NRXN3: variants seen among roughly 807,000 people sequenced by gnomAD.
NRXN3 encodes neurexin III.
A neutral mutation model predicts 137.6 loss-of-function variants in NRXN3; 32 were observed. The ratio of observed to expected loss-of-function variants is 0.23; its 90% confidence interval spans 0.18 to 0.31. The LOEUF is 0.31. Ranked by LOEUF, NRXN3 falls within the 10% of genes least tolerant of loss-of-function variation. NRXN3 has a pLI of 1.00. For synonymous variants in NRXN3, 798 were observed against 784.5 expected (o/e 1.02, Z -0.29); for missense variants, 1,574 against 2,062.5 (o/e 0.76, Z 4.59).
chr14:78,329,899 A>G (rs2080576785), intron 4 of NRXN3, among the ~76,000 whole-genome samples: 1 of 152,192 alleles, frequency 6.6e-6, no homozygotes, highest in African/African-American at 2.4e-5. Context: ...GAGGCTTCAC[A>G]AGAAGGAACA....
chr14:78,714,852 C>T lies in NRXN3; in HGVS notation c.1757C>T (p.Pro586Leu), dbSNP rs772683936. The change falls in exon 8 of 21, where the codon CCG (proline) becomes CTG (leucine). Residue 586 changes from proline to leucine, a missense_variant. Coordinates refer to ENST00000335750, the MANE Select transcript of NRXN3 (RefSeq NM_001330195.2). ...GGAGACATGTACCTGGGAGGGCTGC[C>T]GGAGAACCGTGCTGGCCTTATTCTC... ...LEGDMYLGGL[P>L]ENRAGLILPT... 2.8e-5 allele frequency: 45 copies of T among 1,614,032 alleles called. No individual in the cohort carries two copies. The highest frequency in any genetic ancestry group is 1.2e-4 in the South Asian group (11 of 91,080).
chr14:78,577,250 T>C (rs1484204019), intron 4 of NRXN3, among the ~76,000 whole-genome samples: 1 of 152,206 alleles, frequency 6.6e-6, no homozygotes, highest in Non-Finnish European at 1.5e-5. Context: ...CCAGCAGTAA[T>C]GTAATTGTTG....
At chr14:78,658,403 T>C (rs1476308967) in intron 6 of NRXN3, among the ~76,000 whole-genome samples, 2 of 152,190 alleles carry the variant, frequency 1.3e-5, no homozygotes, top group African/African-American at 4.8e-5. Flanking sequence ...AGGTGTTTTA[T>C]AAAATACAAA....
intron 7 of NRXN3, among the ~76,000 whole-genome samples, chr14:78,713,179 T>G (rs921474616): frequency 9.9e-5 from 15 of 152,226 alleles, no homozygotes; most frequent in Middle Eastern, 3.2e-3. Context: ...GAATCCCTGC[T>G]CTCAAGGTCC....
intron 15 of NRXN3, among the ~76,000 whole-genome samples, chr14:79,085,948 C>A (rs1379582991): frequency 6.6e-6 from 1 of 152,056 alleles, no homozygotes; most frequent in Non-Finnish European, 1.5e-5. Context: ...TTGAGATCAG[C>A]AAAAAAGTTC....
At chr14:78,658,697 T>C (rs940231728) in intron 6 of NRXN3, among the ~76,000 whole-genome samples, 12 of 152,206 alleles carry the variant, frequency 7.9e-5, no homozygotes, top group Admixed American at 7.2e-4. Context: ...AGAGACCTTC[T>C]TGTAAATGTA....
chr14:79,437,897 G>A (rs982201975), intron 15 of NRXN3, among the ~76,000 whole-genome samples: 1 of 152,138 alleles, frequency 6.6e-6, no homozygotes, highest in Non-Finnish European at 1.5e-5. Context: ...TTCTAAATAA[G>A]TTCCTTTAGA....
intron 15 of NRXN3, among the ~76,000 whole-genome samples, chr14:79,043,396 T>C (rs1402495920): frequency 6.6e-6 from 1 of 152,166 alleles, no homozygotes; most frequent in Admixed American, 6.5e-5. Context: ...CGGATCAGGA[T>C]CCAAGATTTT....
chr14:79,208,559 A>G (rs2067142558), intron 15 of NRXN3, among the ~76,000 whole-genome samples: 1 of 152,172 alleles, frequency 6.6e-6, no homozygotes, highest in African/African-American at 2.4e-5. Context: ...TTTATTTTCT[A>G]TGACTAAGTA....
chr14:79,102,907 A>C (rs2051618358), intron 15 of NRXN3, among the ~76,000 whole-genome samples: 2 of 152,160 alleles, frequency 1.3e-5, no homozygotes, highest in South Asian at 2.1e-4. Flanking sequence ...AATTGTGAAA[A>C]ATTTGTGAGT....
intron 15 of NRXN3, among the ~76,000 whole-genome samples, chr14:79,338,196 GGTGTGT>G (rs796540610): frequency 7.1e-6 from 1 of 141,060 alleles, no homozygotes; most frequent in African/African-American, 2.8e-5. Context: ...AGGCAGCCGG[GGTGTGT>G]GTGTGTGTGT....
At chr14:79,059,246 T>C (rs1485692473) in intron 15 of NRXN3, among the ~76,000 whole-genome samples, 2 of 117,894 alleles carry the variant, frequency 1.7e-5, no homozygotes, top group Non-Finnish European at 3.4e-5. Context: ...CTTCAGGCCC[T>C]ATTCTTTTTT....
intron 7 of NRXN3, among the ~76,000 whole-genome samples, chr14:78,713,297 C>G (rs2098417903): frequency 6.6e-6 from 1 of 152,156 alleles, no homozygotes; most frequent in African/African-American, 2.4e-5. Flanking sequence ...CTGCTCACCC[C>G]CTCTTGCCTT....
At chr14:78,211,946 C>G (rs117925341) in intron 1 of NRXN3, among the ~76,000 whole-genome samples, 1,642 of 152,300 alleles carry the variant, frequency 0.011, 11 homozygotes, top group Non-Finnish European at 0.017. Flanking sequence ...AAGGCTGACT[C>G]TGGGATCATA....
intron 10 of NRXN3, among the ~76,000 whole-genome samples, chr14:78,892,402 T>C (rs2099161598): frequency 6.6e-6 from 1 of 151,926 alleles, no homozygotes; most frequent in South Asian, 2.1e-4. Context: ...AGTTGGCAGA[T>C]AGGCTGCCCA....
chr14:79,763,379 TGTG>T (rs1450393922), intron 19 of NRXN3, among the ~76,000 whole-genome samples: 13 of 69,186 alleles, frequency 1.9e-4, no homozygotes, highest in Non-Finnish European at 3.9e-4. Flanking sequence ...TACGTGTGCA[TGTG>T]TCTTTATAGT....
chr14:78,760,477 A>G (rs573056215), intron 8 of NRXN3, among the ~76,000 whole-genome samples: 1 of 147,616 alleles, frequency 6.8e-6, no homozygotes, highest in East Asian at 2.0e-4. Context: ...TTCTTTGGTA[A>G]AATAAAAGAG....
At chr14:79,274,348 T>C (rs2079930113) in intron 15 of NRXN3, among the ~76,000 whole-genome samples, 1 of 152,194 alleles carries the variant, frequency 6.6e-6, no homozygotes, top group Non-Finnish European at 1.5e-5. Flanking sequence ...AAATAAAAAG[T>C]ATTCTCTAAA....
At chr14:78,940,752 T>C (rs1448571113) in intron 10 of NRXN3, among the ~76,000 whole-genome samples, 1 of 152,248 alleles carries the variant, frequency 6.6e-6, no homozygotes, top group African/African-American at 2.4e-5. Context: ...AACTACCGTG[T>C]ACTCCCATTA....
Sources: gnomAD v4.1 joint callset for allele counts (sites outside exome capture counted in the v4.1 genomes callset) on GRCh38, gnomAD v4.1.1 for gene constraint, MANE v1.5 for transcripts, NCBI Gene and HGNC (gene_info 2026-07-23, HGNC 2026-07-21) for gene names.